The following NDST4 variants were observed in gnomAD, a reference collection of about 807,000 sequenced individuals.
NDST4 encodes the protein N-deacetylase and N-sulfotransferase 4, also known as N-heparan sulfate sulfotransferase 4.
Under a neutral mutation model 100.8 loss-of-function variants are expected in NDST4, and 63 were observed. That is an observed-to-expected ratio of 0.62 (90% CI 0.51 to 0.77). The LOEUF (loss-of-function observed/expected upper bound fraction) is 0.77, where lower values mean the gene tolerates loss of function less well. Among genes scored for constraint, NDST4 ranks in the 30% least tolerant of loss-of-function variants. The probability of loss-of-function intolerance (pLI) is 0.00; values close to 1 mark genes in which losing one functional copy is unlikely to be tolerated. For synonymous variants in NDST4, 377 were observed against 361.8 expected, an observed-to-expected ratio of 1.04 and a Z score of -0.48; for missense variants, 943 against 1,018.4, an observed-to-expected ratio of 0.93 and a Z score of 1.01.
At chr4:115,059,714 C>T (rs1470003040) in intron 2 of NDST4, among the ~76,000 whole-genome samples, 3 of 152,048 alleles carry the variant, frequency 2.0e-5, no homozygotes, top group Non-Finnish European at 4.4e-5. Flanking sequence ...GGTACATTCA[C>T]ATGTTCCTCT....
Position 115,076,934 on chromosome 4 carries a change from A to G in NDST4, c.103T>C (p.Ser35Pro), listed in dbSNP as rs774258953. The G allele has an allele frequency of 6.2e-7, 1 of 1,613,680 alleles. No individual in the cohort carries two copies. The highest frequency in any genetic ancestry group is 8.5e-7 in the Non-Finnish European group (1 of 1,179,796). Residue 35 changes from serine to proline, a missense_variant, in exon 2 of 14, where the codon TCT (serine) becomes CCT (proline). Ser to Pro is a moderately conservative substitution (Grantham distance 74). Around this residue, in one of 2 missense-constraint regions of NDST4, gnomAD observed 417 missense variants for 384.2 expected, o/e 1.09. Transcript: ENST00000264363. ...AGTGTCATTTCCTGTTTGTAGCCAG[A>G]GTAGAGAAAATAGGCAGAAATGACA... is the stretch of plus-strand genomic sequence containing the variant. ...SIVISAYFLY[S>P]GYKQEMTLIE...
At chr4:114,937,034 A>G (rs573351716) in intron 5 of NDST4, among the ~76,000 whole-genome samples, 16 of 152,338 alleles carry the variant, frequency 1.1e-4, no homozygotes, top group South Asian at 8.3e-4. Flanking sequence ...TGGAATCCAC[A>G]GGCAAAATTT....
chr4:114,917,592 A>G (rs1578387524), intron 6 of NDST4, among the ~76,000 whole-genome samples: 1 of 152,174 alleles, frequency 6.6e-6, no homozygotes, highest in East Asian at 1.9e-4. Flanking sequence ...AGGCTAGGCA[A>G]CATAGTGAGA....
intron 6 of NDST4, among the ~76,000 whole-genome samples, chr4:114,912,954 T>C (rs1391167994): frequency 6.6e-6 from 1 of 152,056 alleles, no homozygotes. Flanking sequence ...GGATGCAATA[T>C]ATCCATCTTT....
chr4:114,839,502 T>C lies in NDST4; in HGVS notation c.2162A>G (p.Tyr721Cys). Residue 721 changes from tyrosine (Y) to cysteine (C), a missense_variant, in exon 11 of 14, where the codon TAT becomes TGT. Tyr to Cys is a radical substitution (Grantham distance 194). Transcript: ENST00000264363. Reference protein sequence around the residue: ...EDPAALRFNFYEVISTGHWAP... With the variant: ...EDPAALRFNFCEVISTGHWAP... ...CCAATGTCCTGTTGAAATAACTTCA[T>C]AGAAATTGAACCTCAGAGCAGCTGG... 2 of 1,613,962 alleles carry C rather than the reference T, an allele frequency of 1.2e-6. No individual in the cohort carries two copies. The highest frequency in any genetic ancestry group is 1.7e-6 in the Non-Finnish European group (2 of 1,179,910).
At chr4:114,996,842 C>A (rs756431341) in intron 2 of NDST4, among the ~76,000 whole-genome samples, 2 of 151,996 alleles carry the variant, frequency 1.3e-5, no homozygotes, top group East Asian at 3.9e-4. Flanking sequence ...TAGATAATTT[C>A]TTTTTCATGT....
At chr4:114,883,061 T>G (rs1724404623) in intron 6 of NDST4, among the ~76,000 whole-genome samples, 1 of 152,072 alleles carries the variant, frequency 6.6e-6, no homozygotes, top group Non-Finnish European at 1.5e-5. Context: ...AGGAATTTCT[T>G]TGTCAGTGGA....
intron 6 of NDST4, among the ~76,000 whole-genome samples, chr4:114,926,195 A>G (rs931435394): frequency 1.1e-4 from 17 of 152,146 alleles, no homozygotes. Context: ...TGAAGGCATG[A>G]TAAGAATCTA....
chr4:114,958,389 CATCT>C (rs1726186476), intron 4 of NDST4, among the ~76,000 whole-genome samples: 1 of 147,738 alleles, frequency 6.8e-6, no homozygotes. Context: ...TCCTCATCTC[CATCT>C]GAGACCCCCA....
intron 1 of NDST4, among the ~76,000 whole-genome samples, chr4:115,091,283 CGT>C (rs1342696016): frequency 2.6e-5 from 4 of 151,836 alleles, no homozygotes; most frequent in African/African-American, 9.7e-5. Flanking sequence ...GTTATGCAAA[CGT>C]GTGTGTAATA....
At chr4:115,111,606 T>TA (rs1374752658) in intron 1 of NDST4, among the ~76,000 whole-genome samples, 1 of 151,754 alleles carries the variant, frequency 6.6e-6, no homozygotes, top group Admixed American at 6.6e-5. Context: ...TTAATCAATT[T>TA]AAAAAATTCA....
intron 2 of NDST4, among the ~76,000 whole-genome samples, chr4:115,038,858 C>T (rs1728288836): frequency 6.6e-6 from 1 of 152,038 alleles, no homozygotes; most frequent in Admixed American, 6.6e-5. Context: ...TGCCTGTGGT[C>T]CCAGCTGTTC....
In NDST4 at chr4:115,008,433, T is replaced by C. The variant is rs1401524963; in HGVS notation, c.979-31159A>G. Among the ~76,000 whole-genome samples, 92 of 129,204 alleles carry C rather than the reference T, an allele frequency of 7.1e-4. 16 individuals are homozygous for C. The highest frequency in any genetic ancestry group is 2.3e-4 in the Non-Finnish European group (14 of 60,344). 84.8% of individuals were successfully genotyped at this position (129,204 alleles called of 152,430 possible). On this transcript the variant is annotated intron_variant, in intron 2 of 13. Coordinates refer to ENST00000264363, the MANE Select transcript of NDST4 (RefSeq NM_022569.3). ...ACTCAGCATTTGCTTGTCTGTAAAG[T>C]ATTTTATTTCTCCTTCACTTATGAA...
At chr4:114,913,744 A>G (rs997277147) in intron 6 of NDST4, among the ~76,000 whole-genome samples, 2 of 145,768 alleles carry the variant, frequency 1.4e-5, no homozygotes, top group Non-Finnish European at 3.0e-5. Flanking sequence ...AAAAAAAAAA[A>G]AAAAAACACT....
chr4:114,907,034 A>G (rs1724964166), intron 6 of NDST4, among the ~76,000 whole-genome samples: 1 of 152,156 alleles, frequency 6.6e-6, no homozygotes, highest in African/African-American at 2.4e-5. Flanking sequence ...GTGGGAAAGT[A>G]CATTAGAATT....
chr4:114,956,991 C>G (rs1726155719), intron 4 of NDST4, among the ~76,000 whole-genome samples: 1 of 152,030 alleles, frequency 6.6e-6, no homozygotes, highest in Admixed American at 6.6e-5. Context: ...ACATAGAAGA[C>G]AAAGATTTCA....
In NDST4 at chr4:115,061,270, T is replaced by C. The variant is rs112885243; in HGVS notation, c.978+14789A>G. Among the ~76,000 whole-genome samples the C allele has an allele frequency of 9.1e-4, 138 of 152,256 alleles. 1 individual carries two copies. Among genetic ancestry groups the C allele is most frequent in the African/African-American group, 3.2e-3 (133 of 41,520 alleles). ...CCATTTGACTCAGCAATCCCATTAC[T>C]GGGTATATACCCAAAGAATTAAAAA... On this transcript the variant is annotated intron_variant, in intron 2 of 13. Coordinates refer to ENST00000264363, the MANE Select transcript of NDST4 (RefSeq NM_022569.3).
chr4:114,838,776 C>T (rs1723358491), intron 11 of NDST4, among the ~76,000 whole-genome samples: 1 of 151,316 alleles, frequency 6.6e-6, no homozygotes, highest in Admixed American at 6.6e-5. Flanking sequence ...TGTAACAAAC[C>T]TGCATGTTCT....
intron 2 of NDST4, among the ~76,000 whole-genome samples, chr4:115,071,657 A>G (rs114952300): frequency 0.012 from 1,820 of 152,154 alleles, 24 homozygotes; most frequent in African/African-American, 0.029. Context: ...TAGCTATGCA[A>G]CACCATTGTT....
Sources: gnomAD v4.1 joint callset for allele counts (sites outside exome capture counted in the v4.1 genomes callset) on GRCh38, gnomAD v4.1.1 for gene constraint, gnomAD v4.1.1 regional missense constraint, MANE v1.5 for transcripts, NCBI Gene and HGNC (gene_info 2026-07-23, HGNC 2026-07-21) for gene names.